Variants in ZNF723 observed in about 807,000 individuals in gnomAD.
ZNF723 encodes the protein zinc finger protein 723, pseudogene.
Under a neutral mutation model 9.4 loss-of-function variants are expected in ZNF723, and 5 were observed. That is an observed-to-expected ratio of 0.53 (90% confidence interval 0.28 to 1.12). ZNF723 has a LOEUF of 1.12. ZNF723 is among the 50% of genes most tolerant of loss of function. The probability of loss-of-function intolerance (pLI) is 0.10; values close to 1 mark genes in which losing one functional copy is unlikely to be tolerated. For missense variants in ZNF723, 450 were observed against 501.5 expected (o/e 0.90, Z 0.98); for synonymous variants, 158 against 168.8 (o/e 0.94, Z 0.49).
chr19:22,832,314 G>T lies in ZNF723; in HGVS notation c.-66G>T. The T allele has an allele frequency of 7.5e-7, 1 of 1,327,700 alleles. No homozygotes were observed. The highest frequency in any genetic ancestry group is 1.1e-6 in the Non-Finnish European group (1 of 946,544). 82.2% of individuals were successfully genotyped at this position (1,327,700 alleles called of 1,614,324 possible). ...GCCTTTTGAGTTCCTGGTCTCTGTG[G>T]CCTCCTGACCTACATGCATTGGGAG... On this transcript the variant is annotated 5_prime_UTR_variant, in exon 1 of 4. Coordinates refer to ENST00000600766, the MANE Select transcript of ZNF723 (RefSeq NM_001349726.2).
At chr19:22,823,054 C>T in the ZNF723 span, among the ~76,000 whole-genome samples, 1 of 152,182 alleles carries the variant, frequency 6.6e-6, no homozygotes, top group Middle Eastern at 3.2e-3. Context: ...ATCCAACTCA[C>T]AGGCATAGTG....
chr19:22,832,402 C>A lies in ZNF723; in HGVS notation c.3+20C>A. On this transcript the variant is annotated intron_variant, in intron 1 of 3. Transcript: ENST00000600766. ...GAAATGGTGAGAGTACCGGGTCCGACATCCCGAGAGAGGGGAAGGGCTGGT... is the reference window on the plus strand; with the variant it reads ...GAAATGGTGAGAGTACCGGGTCCGAAATCCCGAGAGAGGGGAAGGGCTGGT... 7.3e-7 allele frequency: 1 copy of A among 1,368,026 alleles called. No individual in the cohort carries two copies. The highest frequency in any genetic ancestry group is 1.0e-6 in the Non-Finnish European group (1 of 973,872). The allele number at this position is 1,368,026 out of a possible 1,614,324, so 84.7% of individuals were successfully genotyped here.
chr19:22,838,228 A>C (rs1237541641), intron 1 of ZNF723, among the ~76,000 whole-genome samples: 1 of 151,978 alleles, frequency 6.6e-6, no homozygotes, highest in African/African-American at 2.4e-5. Flanking sequence ...CTTTGTGTCC[A>C]TGTGTTGTTA....
chr19:22,846,986 C>T (rs1196530184), intron 1 of ZNF723, among the ~76,000 whole-genome samples: 4 of 151,002 alleles, frequency 2.6e-5, no homozygotes, highest in Admixed American at 2.6e-4. Context: ...CAAATTTTTC[C>T]TACTGCTGTT....
chr19:22,857,857 T>TA lies in ZNF723; in HGVS notation c.968dup (p.Asn323LysfsTer10). The stretch of plus-strand genomic sequence containing the variant: ...AATGTGAAGAATGTGGCAAAGCCTT[T>TA]AACCAGCCCTCACACCTTGCTACAC... On this transcript the variant is annotated frameshift_variant, in exon 4 of 4. Transcript: ENST00000600766. LOFTEE classifies it low-confidence loss of function (END_TRUNC). 1 of 1,408,604 alleles carries TA rather than the reference T, an allele frequency of 7.1e-7. No homozygotes were observed. Among genetic ancestry groups the TA allele is most frequent in the Middle Eastern group, 1.8e-4 (1 of 5,676 alleles). The allele number at this position is 1,408,604 out of a possible 1,614,324, so 87.3% of individuals were successfully genotyped here.
intron 1 of ZNF723, among the ~76,000 whole-genome samples, chr19:22,847,638 C>G (rs768805363): frequency 7.2e-5 from 11 of 152,106 alleles, no homozygotes; most frequent in Non-Finnish European, 1.3e-4. Flanking sequence ...ACACAGAACT[C>G]ATTCTCTATG....
At chr19:22,849,156 G>T in intron 2 of ZNF723, 42 bp from the exon 3 acceptor site, 1 of 518,526 alleles carries the variant, frequency 1.9e-6, no homozygotes, top group Admixed American at 2.9e-5. Context: ...ATTATTTGAA[G>T]AATATGAGGA....
At position 22,858,632 on chromosome 19, in the gene ZNF723, G is replaced by C. The variant is rs1430961084; in HGVS notation, c.*199G>C. 1 of 380,992 alleles carries C rather than the reference G, an allele frequency of 2.6e-6. No homozygotes were observed. Among genetic ancestry groups the C allele is most frequent in the South Asian group, 6.0e-5 (1 of 16,770 alleles). 23.6% of individuals were successfully genotyped at this position (380,992 alleles called of 1,614,324 possible). A position where few individuals can be genotyped will look rare whatever the true frequency, so the allele number is the denominator to read the frequency against. On this transcript the variant is annotated 3_prime_UTR_variant, in exon 4 of 4. Transcript: ENST00000600766. ...ACAAAAAAAATTAGCCGGGTGTAGTGGTGGGCGCCTGTAATCCCAGCTAGT... is the reference window on the plus strand; with the variant it reads ...ACAAAAAAAATTAGCCGGGTGTAGTCGTGGGCGCCTGTAATCCCAGCTAGT...
At chr19:22,821,132 G>A in the ZNF723 span, among the ~76,000 whole-genome samples, 1 of 152,208 alleles carries the variant, frequency 6.6e-6, no homozygotes, top group South Asian at 2.1e-4. Flanking sequence ...GGTGACTCAT[G>A]TACTTGGACC....
At chr19:22,835,818 A>T in intron 1 of ZNF723, among the ~76,000 whole-genome samples, 1 of 152,172 alleles carries the variant, frequency 6.6e-6, no homozygotes, top group East Asian at 1.9e-4. Context: ...TTGATTTCTG[A>T]TTTTAATGCT....
chr19:22,835,920 A>C (rs1170079476), intron 1 of ZNF723, among the ~76,000 whole-genome samples: 2 of 152,206 alleles, frequency 1.3e-5, no homozygotes, highest in Non-Finnish European at 2.9e-5. Context: ...AAAATAATAC[A>C]TTTATTGTCT....
At chr19:22,826,767 G>A in the ZNF723 span, among the ~76,000 whole-genome samples, 59 of 152,180 alleles carry the variant, frequency 3.9e-4, no homozygotes, top group Middle Eastern at 3.4e-3. Flanking sequence ...ATGGCTCTAC[G>A]AACAACAGAA....
At chr19:22,851,539 T>A (rs1391783302) in intron 3 of ZNF723, among the ~76,000 whole-genome samples, 2 of 152,060 alleles carry the variant, frequency 1.3e-5, no homozygotes, top group African/African-American at 4.8e-5. Context: ...ATTTTAGGAT[T>A]TCTTTTTATT....
chr19:22,842,319 T>C (rs536941946), intron 1 of ZNF723, among the ~76,000 whole-genome samples: 2 of 151,924 alleles, frequency 1.3e-5, no homozygotes, highest in African/African-American at 4.8e-5. Flanking sequence ...GAACTAAGAG[T>C]TTTTTTTAAT....
At position 22,858,436 on chromosome 19, in the gene ZNF723, A is replaced by C. The variant is rs947067857; in HGVS notation, c.*3A>C. ...AATCACAAACCTTAAAGATGTGACA[A>C]TGCTTTTTATGAAATCCCAAACTTT... is the stretch of plus-strand genomic sequence containing the variant. On this transcript the variant is annotated 3_prime_UTR_variant, in exon 4 of 4. Coordinates refer to ENST00000600766, the MANE Select transcript of ZNF723 (RefSeq NM_001349726.2). 1 of 675,040 alleles carries C rather than the reference A, an allele frequency of 1.5e-6. No individual in the cohort carries two copies. The highest frequency in any genetic ancestry group is 2.5e-6 in the Non-Finnish European group (1 of 398,570). 41.8% of individuals were successfully genotyped at this position (675,040 alleles called of 1,614,324 possible). A position where few individuals can be genotyped will look rare whatever the true frequency, so the allele number is the denominator to read the frequency against.
intron 1 of ZNF723, among the ~76,000 whole-genome samples, chr19:22,839,377 T>C (rs1334048475): frequency 6.6e-6 from 1 of 152,146 alleles, no homozygotes; most frequent in Non-Finnish European, 1.5e-5. Context: ...CCAAACTGCT[T>C]TTCACAATGG....
chr19:22,841,296 C>G (rs2145213798), intron 1 of ZNF723, among the ~76,000 whole-genome samples: 1 of 152,262 alleles, frequency 6.6e-6, no homozygotes, highest in Admixed American at 6.5e-5. Context: ...ATGGCCTTGC[C>G]AATTGCCAGG....
chr19:22,846,664 A>G (rs972793431), intron 1 of ZNF723, among the ~76,000 whole-genome samples: 1 of 152,146 alleles, frequency 6.6e-6, no homozygotes, highest in African/African-American at 2.4e-5. Flanking sequence ...AGTTTGAAAG[A>G]TAATTATCAG....
At chr19:22,830,925 G>T (rs2145201029), upstream of ZNF723, among the ~76,000 whole-genome samples, 1 of 152,100 alleles carries the variant, frequency 6.6e-6, no homozygotes, top group East Asian at 1.9e-4. Flanking sequence ...ACCATGTCCG[G>T]CTAATTTTTG....
Sources: allele counts gnomAD v4.1 joint callset (sites outside exome capture counted in the v4.1 genomes callset), GRCh38; gene constraint gnomAD v4.1.1; transcripts MANE v1.5; gene names NCBI Gene and HGNC (gene_info 2026-07-23, HGNC 2026-07-21).